Variants in TRIO observed in about 807,000 individuals in gnomAD.
TRIO encodes triple functional domain protein.
Under a neutral mutation model 351.9 loss-of-function variants are expected in TRIO, and 58 were observed. That is an observed-to-expected ratio of 0.16 (90% confidence interval 0.13 to 0.21). The LOEUF is 0.21. TRIO is among the 10% of genes least tolerant of loss of function. The probability of loss-of-function intolerance (pLI) is 1.00; values close to 1 mark genes in which losing one functional copy is unlikely to be tolerated. For missense variants in TRIO, 3,201 were observed against 4,027.8 expected (o/e 0.79, Z 5.56); for synonymous variants, 1,758 against 1,595.7 (o/e 1.10, Z -2.42).
chr5:14,162,427 G>A (rs983524823), intron 1 of TRIO, among the ~76,000 whole-genome samples: 4 of 152,196 alleles, frequency 2.6e-5, no homozygotes, highest in African/African-American at 9.7e-5. Context: ...TACTGACCTT[G>A]AGAACATTGA....
intron 53 of TRIO, among the ~76,000 whole-genome samples, chr5:14,501,149 A>G (rs889490004): frequency 7.2e-5 from 11 of 152,034 alleles, no homozygotes; most frequent in African/African-American, 1.9e-4. Context: ...TAATAGTCCA[A>G]TATTTCTTAA....
In TRIO at chr5:14,216,587, G is replaced by A. The variant is rs375341986; in HGVS notation, c.158-54238G>A. On this transcript the variant is annotated intron_variant, in intron 1 of 56. Coordinates refer to ENST00000344204, the MANE Select transcript of TRIO (RefSeq NM_007118.4). ...CTCATAATACTGACATCAAGGTGTCGTATTTCAGTGCATACCATAAACATC... is the reference window on the plus strand; with the variant it reads ...CTCATAATACTGACATCAAGGTGTCATATTTCAGTGCATACCATAAACATC... Among the ~76,000 whole-genome samples, 11 of 152,312 alleles carry A rather than the reference G, an allele frequency of 7.2e-5. No individual in the cohort carries two copies. In the East Asian group the frequency reaches 7.7e-4, roughly 11 times the overall value.
chr5:14,362,503 T>G (rs1036464056), intron 13 of TRIO, among the ~76,000 whole-genome samples: 1 of 152,214 alleles, frequency 6.6e-6, no homozygotes, highest in African/African-American at 2.4e-5. Context: ...CTCCTCTTCT[T>G]TTCATGCCAT....
At chr5:14,217,926 G>A (rs1329146706) in intron 1 of TRIO, among the ~76,000 whole-genome samples, 1 of 152,194 alleles carries the variant, frequency 6.6e-6, no homozygotes, top group Non-Finnish European at 1.5e-5. Context: ...TGAGAAAATA[G>A]TAAAAGAATA....
chr5:14,276,404 A>G (rs1221077923), intron 2 of TRIO, among the ~76,000 whole-genome samples: 2 of 152,262 alleles, frequency 1.3e-5, no homozygotes, highest in Non-Finnish European at 2.9e-5. Context: ...AGGTGAGCCT[A>G]GAAGGTGCAG....
chr5:14,304,716 C>T, intron 8 of TRIO, 124 bp downstream of exon 8: 2 of 1,139,474 alleles, frequency 1.8e-6, no homozygotes, highest in African/African-American at 1.6e-5. Context: ...AGTTAGACTG[C>T]AGTTTAATTG....
chr5:14,395,040 C>G (rs73749235), intron 28 of TRIO, among the ~76,000 whole-genome samples: 1 of 151,880 alleles, frequency 6.6e-6, no homozygotes, highest in Non-Finnish European at 1.5e-5. Flanking sequence ...GCCCTAGGCT[C>G]GACAACGGGA....
At chr5:14,456,053 G>A (rs769256605) in intron 34 of TRIO, among the ~76,000 whole-genome samples, 7 of 152,240 alleles carry the variant, frequency 4.6e-5, no homozygotes, top group African/African-American at 7.2e-5. Flanking sequence ...AGCGCGGTGC[G>A]GGCGGGCTGG....
chr5:14,359,381 G>A lies in TRIO; in HGVS notation c.2241G>A (p.Lys747=), dbSNP rs1285715927. ...GGGACTCTGCCATCTCCAGTAACAA[G>A]ACCCCCCACAACAGCTCCATCAACC... is the stretch of plus-strand genomic sequence containing the variant. ...QLRDSAISSN[K]TPHNSSINHI... is the part of the protein sequence containing the mutation. The change falls in exon 13 of 57, where the codon AAG becomes AAA. Residue 747 remains lysine (K), a synonymous_variant. Coordinates refer to ENST00000344204, the MANE Select transcript of TRIO (RefSeq NM_007118.4). 1.9e-6 allele frequency: 3 copies of A among 1,613,696 alleles called. No homozygotes were observed. The African/African-American group carries it at 4.0e-5, about 22-fold the overall frequency.
chr5:14,448,217 C>G (rs1465152793), intron 34 of TRIO, among the ~76,000 whole-genome samples: 1 of 152,228 alleles, frequency 6.6e-6, no homozygotes, highest in African/African-American at 2.4e-5. Context: ...TTTGGGAACA[C>G]AGAGGATCAG....
chr5:14,362,869 A>G (rs563128013), intron 13 of TRIO, among the ~76,000 whole-genome samples: 6 of 152,196 alleles, frequency 3.9e-5, no homozygotes, highest in African/African-American at 1.4e-4. Flanking sequence ...TGTGAAAACA[A>G]TTTTCAATTT....
chr5:14,413,262 C>A lies in TRIO; in HGVS notation c.4960-6516C>A, dbSNP rs539577559. 3.9e-5 allele frequency among the ~76,000 whole-genome samples: 6 copies of A among 152,326 alleles called. No individual in the cohort carries two copies. The South Asian group carries it at 1.2e-3, about 32-fold the overall frequency. On this transcript the variant is annotated intron_variant, in intron 33 of 56. Transcript: ENST00000344204. ...GGCCTGATGAATTGTGGTGGCTCAA[C>A]TGCAAAATTCTGTGTGTGGAATGGG...
chr5:14,161,049 A>G (rs1788419910), intron 1 of TRIO, among the ~76,000 whole-genome samples: 1 of 152,070 alleles, frequency 6.6e-6, no homozygotes, highest in African/African-American at 2.4e-5. Flanking sequence ...AACTGGGATT[A>G]CAGGCATGCG....
rs1427002018 is a variant in TRIO at position 14,359,459 on chromosome 5, G to C, written c.2319G>C (p.Glu773Asp). 6.2e-7 allele frequency: 1 copy of C among 1,614,272 alleles called. No individual in the cohort carries two copies. Among genetic ancestry groups the C allele is most frequent in the Non-Finnish European group, 8.5e-7 (1 of 1,180,048 alleles). The change falls in exon 13 of 57, where the codon GAG (glutamate) becomes GAC (aspartate). Residue 773 changes from glutamate (E) to aspartate (D), a missense_variant. Physicochemically the swap from Glu to Asp is conservative, Grantham distance 45. Coordinates refer to ENST00000344204, the MANE Select transcript of TRIO (RefSeq NM_007118.4). ...QLDEAQSQME[E>D]LFQERKIKLE... ...ACGAGGCGCAGTCGCAGATGGAGGA[G>C]CTCTTCCAGGAGCGCAAGATCAAGC...
chr5:14,432,696 T>A (rs1329136981), intron 34 of TRIO, among the ~76,000 whole-genome samples: 1 of 152,232 alleles, frequency 6.6e-6, no homozygotes, highest in Non-Finnish European at 1.5e-5. Flanking sequence ...ATGTTATGTA[T>A]GAGTGAATAA....
chr5:14,265,519 A>G (rs1156257767), intron 1 of TRIO, among the ~76,000 whole-genome samples: 1 of 152,198 alleles, frequency 6.6e-6, no homozygotes, highest in Non-Finnish European at 1.5e-5. Context: ...ATAATATGCT[A>G]TATAAAAGCT....
chr5:14,365,783 G>T (rs1744542914), intron 15 of TRIO, among the ~76,000 whole-genome samples: 1 of 152,196 alleles, frequency 6.6e-6, no homozygotes, highest in Admixed American at 6.5e-5. Flanking sequence ...GTGGTCCCAT[G>T]ATACATTAGG....
chr5:14,472,076 A>G (rs910778655), intron 38 of TRIO, among the ~76,000 whole-genome samples: 1 of 152,220 alleles, frequency 6.6e-6, no homozygotes, highest in Non-Finnish European at 1.5e-5. Flanking sequence ...TTTCAGGCCA[A>G]TTGAGGTTGT....
chr5:14,471,670 A>G (rs1754699162), intron 38 of TRIO, among the ~76,000 whole-genome samples: 1 of 152,160 alleles, frequency 6.6e-6, no homozygotes, highest in Non-Finnish European at 1.5e-5. Flanking sequence ...TTTTATTTGT[A>G]TATGATACTT....
Sources: gnomAD v4.1 joint callset for allele counts (sites outside exome capture counted in the v4.1 genomes callset) on GRCh38, gnomAD v4.1.1 for gene constraint, MANE v1.5 for transcripts, NCBI Gene and HGNC (gene_info 2026-07-23, HGNC 2026-07-21) for gene names.